Variants in SYN3 observed in about 807,000 individuals in gnomAD.
SYN3 encodes the protein synapsin III.
A neutral mutation model predicts 65.8 loss-of-function variants in SYN3; 35 were observed. The observed-to-expected ratio is 0.53, with a 90% CI of 0.41 to 0.70. The LOEUF (loss-of-function observed/expected upper bound fraction) is 0.70. Ranked by LOEUF, SYN3 falls within the 30% of genes least tolerant of loss-of-function variation. The pLI is 0.00. For synonymous variants in SYN3, 270 were observed against 292.9 expected (o/e 0.92, Z 0.80); for missense variants, 680 against 749.0 (o/e 0.91, Z 1.08).
chr22:32,710,088 C>CACACAT (rs1555931602), intron 6 of SYN3, among the ~76,000 whole-genome samples: 2 of 96,350 alleles, frequency 2.1e-5, no homozygotes, highest in Non-Finnish European at 1.9e-5. Flanking sequence ...CACACACACA[C>CACACAT]ACACACACAC....
intron 6 of SYN3, among the ~76,000 whole-genome samples, chr22:32,756,989 G>C (rs4239869): frequency 0.85 from 128,720 of 151,820 alleles, 55,084 homozygotes; most frequent in African/African-American, 0.96. Flanking sequence ...ATTAACAACT[G>C]TCGGAAATGT....
chr22:32,619,809 T>G (rs533214138), intron 6 of SYN3, among the ~76,000 whole-genome samples: 1 of 152,212 alleles, frequency 6.6e-6, no homozygotes, highest in Non-Finnish European at 1.5e-5. Context: ...CCCAGAGACA[T>G]TGCATGTTTC....
At chr22:32,954,691 G>T (rs1482738334) in intron 3 of SYN3, among the ~76,000 whole-genome samples, 3 of 152,192 alleles carry the variant, frequency 2.0e-5, no homozygotes, top group African/African-American at 7.2e-5. Context: ...ACCAGAAACT[G>T]CAAGAGGAAA....
At chr22:32,572,255 T>TTCCTTCCTTCCTTCCTTTCCTTCCTTCC (rs1246276846) in intron 7 of SYN3, among the ~76,000 whole-genome samples, 4 of 87,518 alleles carry the variant, frequency 4.6e-5, no homozygotes, top group African/African-American at 2.0e-4. Context: ...CCTTCCTTCC[T>TTCCTTCCTTCCTTCCTTTCCTTCCTTCC]TTCCTTCCTT....
chr22:32,782,218 G>GCCAC (rs1412373395), intron 6 of SYN3, among the ~76,000 whole-genome samples: 1 of 151,868 alleles, frequency 6.6e-6, no homozygotes, highest in Non-Finnish European at 1.5e-5. Context: ...ACAGGCGGGT[G>GCCAC]CCACCACGCT....
chr22:32,996,280 G>A (rs976274392), intron 2 of SYN3, among the ~76,000 whole-genome samples: 1 of 150,652 alleles, frequency 6.6e-6, no homozygotes, highest in Non-Finnish European at 1.5e-5. Flanking sequence ...TTGAGTCAGA[G>A]TTGGTCCAAT....
chr22:32,815,978 C>T (rs2047079321), intron 6 of SYN3, among the ~76,000 whole-genome samples: 1 of 152,160 alleles, frequency 6.6e-6, no homozygotes. Flanking sequence ...CCTTACTGTG[C>T]CACTAGTAAG....
At chr22:32,958,893 G>T (rs1371806419) in intron 3 of SYN3, among the ~76,000 whole-genome samples, 4 of 152,132 alleles carry the variant, frequency 2.6e-5, no homozygotes, top group African/African-American at 9.7e-5. Flanking sequence ...TAGAACCCCA[G>T]TGAGGGAATT....
At chr22:32,696,759 C>T (rs2060742175) in intron 6 of SYN3, among the ~76,000 whole-genome samples, 2 of 152,148 alleles carry the variant, frequency 1.3e-5, no homozygotes. Context: ...CTTCCTATCC[C>T]CTCTCTCTCC....
At chr22:32,532,310 C>T (rs1345016095) in intron 10 of SYN3, among the ~76,000 whole-genome samples, 1 of 152,298 alleles carries the variant, frequency 6.6e-6, no homozygotes, top group Non-Finnish European at 1.5e-5. Flanking sequence ...AGCTGCCGTG[C>T]TGGGGGTTCC....
intron 6 of SYN3, among the ~76,000 whole-genome samples, chr22:32,780,078 A>AAAAAAAAAG (rs1359453939): frequency 1.9e-5 from 1 of 52,650 alleles, no homozygotes; most frequent in Non-Finnish European, 3.8e-5. Context: ...CAAAAAAAAA[A>AAAAAAAAAG]AGAGAGAGAA....
intron 4 of SYN3, among the ~76,000 whole-genome samples, chr22:32,923,392 G>A (rs1315058767): frequency 6.6e-6 from 1 of 152,202 alleles, no homozygotes; most frequent in Non-Finnish European, 1.5e-5. Flanking sequence ...CGCTCTTCCA[G>A]AAATACCCTC....
Position 32,881,186 on chromosome 22 carries a change from C to T in SYN3, c.462-12061G>A, listed in dbSNP as rs184685853. Among the ~76,000 whole-genome samples, 7 of 152,252 alleles carry T rather than the reference C, an allele frequency of 4.6e-5. No homozygotes were observed. In the East Asian group the frequency reaches 1.2e-3, roughly 25 times the overall value. On this transcript the variant is annotated intron_variant, in intron 4 of 13. Transcript: ENST00000358763. ...GATGGGCCTCAGAGCAGCTGTTCCT[C>T]GGCAGCGGCTGGAACGGATGCTGGG...
chr22:32,917,834 C>T (rs2050226125), intron 4 of SYN3, among the ~76,000 whole-genome samples: 1 of 152,270 alleles, frequency 6.6e-6, no homozygotes, highest in African/African-American at 2.4e-5. Context: ...TACAGGCTCA[C>T]ACTGCCTCTT....
intron 6 of SYN3, among the ~76,000 whole-genome samples, chr22:32,614,096 G>A (rs1569091993): frequency 1.3e-5 from 2 of 152,180 alleles, no homozygotes; most frequent in African/African-American, 2.4e-5. Context: ...TGAATTAACC[G>A]GCACAAAGCA....
intron 4 of SYN3, among the ~76,000 whole-genome samples, chr22:32,901,575 A>G (rs1030514955): frequency 3.9e-5 from 6 of 152,128 alleles, no homozygotes; most frequent in Non-Finnish European, 7.3e-5. Context: ...CCTGCTTCAC[A>G]TATTTAGCTT....
chr22:32,887,327 A>C (rs987541782), intron 4 of SYN3, among the ~76,000 whole-genome samples: 7 of 152,000 alleles, frequency 4.6e-5, no homozygotes, highest in African/African-American at 1.7e-4. Context: ...GCTGCAAGCT[A>C]TGATCACTCC....
At chr22:32,708,353 C>T (rs2060907844) in intron 6 of SYN3, among the ~76,000 whole-genome samples, 1 of 152,202 alleles carries the variant, frequency 6.6e-6, no homozygotes, top group Non-Finnish European at 1.5e-5. Flanking sequence ...CCCTTCTTGC[C>T]TGCACTCCAG....
chr22:32,859,876 A>G (rs2146300001), intron 6 of SYN3: 1 of 175,916 alleles, frequency 5.7e-6, no homozygotes, highest in South Asian at 1.4e-4. Flanking sequence ...AGATAGACTC[A>G]AGGTGTGTGA....
Sources: allele counts gnomAD v4.1 joint callset (sites outside exome capture counted in the v4.1 genomes callset), GRCh38; gene constraint gnomAD v4.1.1; transcripts MANE v1.5; gene names NCBI Gene and HGNC (gene_info 2026-07-23, HGNC 2026-07-21).